The following MVB12B variants were observed in gnomAD, a reference collection of about 807,000 sequenced individuals.
MVB12B encodes the protein ESCRT-I complex subunit MVB12B.
In MVB12B, 16 loss-of-function variants were observed where a neutral mutation model predicts 41.6. The ratio of observed to expected loss-of-function variants is 0.38; its 90% CI spans 0.26 to 0.58. The LOEUF (loss-of-function observed/expected upper bound fraction) is 0.58, where lower values mean the gene tolerates loss of function less well. Among genes scored for constraint, MVB12B ranks in the 20% least tolerant of loss-of-function variants. The probability of loss-of-function intolerance (pLI) is 0.62; values close to 1 mark genes in which losing one functional copy is unlikely to be tolerated. For synonymous variants in MVB12B, 133 were observed against 139.7 expected, an observed-to-expected ratio of 0.95 and a Z score of 0.34; for missense variants, 274 against 380.2, an observed-to-expected ratio of 0.72 and a Z score of 2.32.
chr9:126,396,456 A>G, intron 6 of MVB12B: 1 of 985,508 alleles, frequency 1.0e-6, no homozygotes, highest in Non-Finnish European at 1.2e-6. Flanking sequence ...GATTGACATA[A>G]CGTAAATGAG....
intron 7 of MVB12B, among the ~76,000 whole-genome samples, chr9:126,423,899 C>T (rs1291409293): frequency 6.6e-6 from 1 of 152,232 alleles, no homozygotes; most frequent in Admixed American, 6.5e-5. Flanking sequence ...ATGGTTTCTT[C>T]CAAAAACAGT....
intron 9 of MVB12B, among the ~76,000 whole-genome samples, chr9:126,502,649 G>A (rs2119246799): frequency 6.6e-6 from 1 of 152,270 alleles, no homozygotes; most frequent in Non-Finnish European, 1.5e-5. Context: ...ATGGTGCCAG[G>A]GACAGCAGTG....
rs1253277118 is a variant in MVB12B, at chr9:126,503,507, C to T, written c.*244C>T. ...AATCTGTGTGTGCTGTAGTGACCAG[C>T]GGCTCCTAACGTGTCTGTGTGATGA... is the stretch of plus-strand genomic sequence containing the variant. On this transcript the variant is annotated 3_prime_UTR_variant, in exon 10 of 10. Coordinates refer to ENST00000361171, the MANE Select transcript of MVB12B (RefSeq NM_033446.3). 10 of 548,570 alleles carry T rather than the reference C, an allele frequency of 1.8e-5. 1 individual carries two copies. In the East Asian group the frequency reaches 1.8e-4, roughly 10 times the overall value. 34.0% of individuals were successfully genotyped at this position (548,570 alleles called of 1,614,324 possible). A position where few individuals can be genotyped will look rare whatever the true frequency, so the allele number is the denominator to read the frequency against.
chr9:126,489,346 G>A lies in MVB12B; in HGVS notation c.873+5314G>A, dbSNP rs530893774. Among the ~76,000 whole-genome samples, 37 of 152,326 alleles carry A rather than the reference G, an allele frequency of 2.4e-4. No individual in the cohort carries two copies. In the South Asian group the frequency reaches 6.4e-3, roughly 26 times the overall value. On this transcript the variant is annotated intron_variant, in intron 9 of 9. Coordinates refer to ENST00000361171, the MANE Select transcript of MVB12B (RefSeq NM_033446.3). The stretch of plus-strand genomic sequence containing the variant: ...ACAGGCCTGCTCATCCCAGCCCAGC[G>A]TGCCACACAGCGCGGCAGTCAGGGC...
chr9:126,403,570 T>C (rs1055937637), intron 6 of MVB12B, among the ~76,000 whole-genome samples: 2 of 152,370 alleles, frequency 1.3e-5, no homozygotes, highest in South Asian at 2.1e-4. Context: ...GAGATCCTCA[T>C]GTTTTCCTTT....
At position 126,415,530 on chromosome 9, in the gene MVB12B, C is replaced by T. The variant is rs61595001; in HGVS notation, c.663-6324C>T. Among the ~76,000 whole-genome samples the T allele has an allele frequency of 5.1e-4, 78 of 152,136 alleles. 2 individuals are homozygous for T. In the East Asian group the frequency reaches 0.012, roughly 24 times the overall value. The stretch of plus-strand genomic sequence containing the variant: ...AGTGCCGTGATGAATTTATTGTTTA[C>T]GTAAAAATATCGTGAATCAGAAATA... On this transcript the variant is annotated intron_variant, in intron 6 of 9. Transcript: ENST00000361171.
chr9:126,483,674 G>A lies in MVB12B; in HGVS notation c.814-299G>A, dbSNP rs371892729. 2.9e-4 allele frequency among the ~76,000 whole-genome samples: 44 copies of A among 152,300 alleles called. 1 individual carries two copies. In the East Asian group the frequency reaches 7.7e-3, roughly 27 times the overall value. On this transcript the variant is annotated intron_variant, in intron 8 of 9. Coordinates refer to ENST00000361171, the MANE Select transcript of MVB12B (RefSeq NM_033446.3). ...AAGACAGGTGAAGCAGGCCAGCCACGGTCAGTCCTCCAGGAGACCTGGATC... is the reference window on the plus strand; with the variant it reads ...AAGACAGGTGAAGCAGGCCAGCCACAGTCAGTCCTCCAGGAGACCTGGATC...
intron 2 of MVB12B, among the ~76,000 whole-genome samples, chr9:126,370,919 T>A (rs1279520609): frequency 6.6e-6 from 1 of 152,216 alleles, no homozygotes. Flanking sequence ...ATTCTCTCTA[T>A]TTAAACATAA....
chr9:126,442,323 G>T (rs960579926), intron 7 of MVB12B, among the ~76,000 whole-genome samples: 2 of 152,234 alleles, frequency 1.3e-5, no homozygotes, highest in South Asian at 2.1e-4. Flanking sequence ...CCTCCCTCAG[G>T]CTGACATATG....
intron 4 of MVB12B, among the ~76,000 whole-genome samples, chr9:126,387,127 G>A (rs1830819343): frequency 6.6e-6 from 1 of 152,136 alleles, no homozygotes; most frequent in Admixed American, 6.5e-5. Flanking sequence ...AAGTTCATAG[G>A]TTCGAATTGG....
chr9:126,353,468 C>T (rs1055402278), intron 2 of MVB12B, among the ~76,000 whole-genome samples: 6 of 152,132 alleles, frequency 3.9e-5, no homozygotes, highest in Non-Finnish European at 7.4e-5. Context: ...AGTTACTTTA[C>T]CTCTTAGTGC....
At chr9:126,334,978 G>A (rs1257288495) in intron 1 of MVB12B, among the ~76,000 whole-genome samples, 1 of 152,138 alleles carries the variant, frequency 6.6e-6, no homozygotes, top group South Asian at 2.1e-4. Flanking sequence ...AATCTGTTTG[G>A]TAATCAAATG....
chr9:126,424,244 A>G (rs1178550081), intron 7 of MVB12B, among the ~76,000 whole-genome samples: 1 of 152,250 alleles, frequency 6.6e-6, no homozygotes, highest in Non-Finnish European at 1.5e-5. Flanking sequence ...ATGTTTTCTC[A>G]GTGGCATACC....
intron 7 of MVB12B, among the ~76,000 whole-genome samples, chr9:126,424,310 C>A (rs741028): frequency 6.6e-6 from 1 of 151,996 alleles, no homozygotes; most frequent in African/African-American, 2.4e-5. Flanking sequence ...TCCCATCATG[C>A]CTGCTAAGGG....
chr9:126,416,139 T>C (rs1438930019), intron 6 of MVB12B, among the ~76,000 whole-genome samples: 1 of 152,220 alleles, frequency 6.6e-6, no homozygotes, highest in Non-Finnish European at 1.5e-5. Flanking sequence ...CCCCGTGGGT[T>C]CTGCTGTGGT....
In MVB12B at chr9:126,386,468, C is replaced by A; in HGVS notation, c.313-94C>A. 1.3e-6 allele frequency: 1 copy of A among 783,680 alleles called. No individual in the cohort carries two copies. Among genetic ancestry groups the A allele is most frequent in the Non-Finnish European group, 2.2e-6 (1 of 451,882 alleles). The allele number at this position is 783,680 out of a possible 1,614,324, so 48.5% of individuals were successfully genotyped here. A position where few individuals can be genotyped will look rare whatever the true frequency, so the allele number is the denominator to read the frequency against. On this transcript the variant is annotated intron_variant, in intron 3 of 9. Transcript: ENST00000361171. The surrounding 1 kb of genome is among the most constrained non-coding windows in gnomAD (Gnocchi z 4.3). ...CCTGCTGTCATAAAGCTGCACGAGT[C>A]ATTGTGTTAAATATGCATCTGGAAG... is the stretch of plus-strand genomic sequence containing the variant.
At chr9:126,356,146 T>A (rs2118875403) in intron 2 of MVB12B, among the ~76,000 whole-genome samples, 1 of 152,362 alleles carries the variant, frequency 6.6e-6, no homozygotes, top group East Asian at 1.9e-4. Flanking sequence ...CTCCTCTTTT[T>A]CAAAATTGTT....
chr9:126,392,392 C>T lies in MVB12B; in HGVS notation c.539+197C>T, dbSNP rs1048427165. Reference sequence around the variant, plus strand: ...GCCTCGGCTCGCACTGCTGACTCCACCTTAGGGCCTTTCCTCCCCTGCCCT... The same window carrying T: ...GCCTCGGCTCGCACTGCTGACTCCATCTTAGGGCCTTTCCTCCCCTGCCCT... On this transcript the variant is annotated intron_variant, in intron 5 of 9. Transcript: ENST00000361171. This position sits in a 1 kb window ranked among gnomAD's most constrained non-coding sequence, Gnocchi z 4.8. Among the ~76,000 whole-genome samples the T allele has an allele frequency of 2.0e-5, 3 of 152,218 alleles. No individual in the cohort carries two copies. Among genetic ancestry groups the T allele is most frequent in the Admixed American group, 6.5e-5 (1 of 15,282 alleles).
At chr9:126,425,415 A>G (rs1266327148) in intron 7 of MVB12B, among the ~76,000 whole-genome samples, 1 of 152,126 alleles carries the variant, frequency 6.6e-6, no homozygotes, top group Non-Finnish European at 1.5e-5. Flanking sequence ...CTCATTTTCC[A>G]TAATAGCACG....
Sources: gnomAD v4.1 joint callset for allele counts (sites outside exome capture counted in the v4.1 genomes callset) on GRCh38, gnomAD v4.1.1 for gene constraint, Gnocchi (gnomAD v3.1) non-coding constraint, MANE v1.5 for transcripts, NCBI Gene and HGNC (gene_info 2026-07-23, HGNC 2026-07-21) for gene names.